NMD3: variants seen among roughly 807,000 people sequenced by gnomAD.
NMD3 encodes 60S ribosomal export protein NMD3.
NMD3 carries 47 observed loss-of-function variants against 73.1 expected under a neutral mutation model. The observed-to-expected ratio is 0.64, with a 90% CI of 0.51 to 0.82. The LOEUF (loss-of-function observed/expected upper bound fraction) is 0.82, where lower values mean the gene tolerates loss of function less well. Ranked by LOEUF, NMD3 falls within the 40% of genes least tolerant of loss-of-function variation. The pLI, the probability that NMD3 is intolerant of heterozygous loss-of-function variation, is 0.00. For missense variants in NMD3, 554 were observed against 612.5 expected (o/e 0.90, Z 1.01); for synonymous variants, 210 against 194.5 (o/e 1.08, Z -0.66).
At chr3:161,228,785 A>G (rs1736425856) in intron 4 of NMD3, among the ~76,000 whole-genome samples, 1 of 152,224 alleles carries the variant, frequency 6.6e-6, no homozygotes, top group Admixed American at 6.5e-5. Context: ...CTAATTGCAC[A>G]CTAACATGCC....
At chr3:161,230,038 G>A (rs1736472929) in intron 4 of NMD3, among the ~76,000 whole-genome samples, 2 of 152,130 alleles carry the variant, frequency 1.3e-5, no homozygotes, top group Admixed American at 6.6e-5. Context: ...TGCTGTAAAC[G>A]AAAACAAAGA....
intron 9 of NMD3, among the ~76,000 whole-genome samples, chr3:161,240,445 T>C (rs904309933): frequency 6.6e-6 from 1 of 152,084 alleles, no homozygotes; most frequent in Non-Finnish European, 1.5e-5. Flanking sequence ...GAATGTACAC[T>C]GTATTAACAT....
chr3:161,230,401 T>G (rs1449219554), intron 4 of NMD3, among the ~76,000 whole-genome samples: 1 of 152,028 alleles, frequency 6.6e-6, no homozygotes, highest in African/African-American at 2.4e-5. Flanking sequence ...CTTCCCAAAG[T>G]GTTGGGATTA....
Position 161,250,849 on chromosome 3 carries a change from T to C in NMD3, c.1451T>C (p.Leu484Pro), listed in dbSNP as rs1737458378. Residue 484 changes from leucine (L) to proline (P), a missense_variant, in exon 16 of 16, where the codon CTT (leucine) becomes CCT (proline). By Grantham distance (98) the Leu-to-Pro change is moderately conservative. Coordinates refer to ENST00000351193, the MANE Select transcript of NMD3 (RefSeq NM_015938.5). ...CCTCGAATTAGTCTGGCTGAGATGCTTGAAGACCTTCATATTTCCCAAGAT... is the reference window on the plus strand; with the variant it reads ...CCTCGAATTAGTCTGGCTGAGATGCCTGAAGACCTTCATATTTCCCAAGAT... ...GAPRISLAEM[L>P]EDLHISQDAT... 6.2e-7 allele frequency: 1 copy of C among 1,612,604 alleles called. No individual in the cohort carries two copies. The highest frequency in any genetic ancestry group is 8.5e-7 in the Non-Finnish European group (1 of 1,178,720).
At chr3:161,244,153 C>T (rs1737100288) in intron 11 of NMD3, among the ~76,000 whole-genome samples, 3 of 152,168 alleles carry the variant, frequency 2.0e-5, no homozygotes, top group Admixed American at 2.0e-4. Context: ...TAATTTTAGA[C>T]ATGATCTTGC....
At chr3:161,243,995 T>A (rs1366738893) in intron 11 of NMD3, among the ~76,000 whole-genome samples, 1 of 152,210 alleles carries the variant, frequency 6.6e-6, no homozygotes, top group Non-Finnish European at 1.5e-5. Context: ...CATAAATTAA[T>A]TATTTTATTC....
chr3:161,235,281 T>C (rs928980408), intron 7 of NMD3, 69 bp downstream of exon 7: 9 of 725,908 alleles, frequency 1.2e-5, no homozygotes, highest in Non-Finnish European at 2.1e-5. Context: ...AGTAATCTTA[T>C]ATTTACTGAT....
intron 5 of NMD3, 91 bp from the exon 6 acceptor site, chr3:161,234,635 GT>G (rs1435251165): frequency 1.1e-5 from 13 of 1,130,578 alleles, no homozygotes; most frequent in Non-Finnish European, 1.1e-5. Context: ...AATGGAAAAA[GT>G]TTTAAATTAA....
At chr3:161,246,902 G>T (rs1737232254) in intron 12 of NMD3, among the ~76,000 whole-genome samples, 1 of 151,308 alleles carries the variant, frequency 6.6e-6, no homozygotes, top group Non-Finnish European at 1.5e-5. Context: ...TTGCTTTTAG[G>T]ATTTCAGTTT....
intron 8 of NMD3, 96 bp downstream of exon 8, chr3:161,238,287 A>G (rs542137939): frequency 2.5e-6 from 2 of 801,494 alleles, no homozygotes; most frequent in South Asian, 3.4e-5. Flanking sequence ...CTCTTTATTT[A>G]AAATCGTAGT....
chr3:161,234,861 G>A lies in NMD3; in HGVS notation c.486+6G>A. The A allele has an allele frequency of 6.2e-7, 1 of 1,612,832 alleles. No homozygotes were observed. The highest frequency in any genetic ancestry group is 8.5e-7 in the Non-Finnish European group (1 of 1,179,186). ...TGATTCAAGTGAGGCAAAAGGTAAT[G>A]AGAGAAGATGATGAGTGAGTCCTAC... On this transcript the variant is annotated splice_donor_region_variant and intron_variant, in intron 6 of 15. Coordinates refer to ENST00000351193, the MANE Select transcript of NMD3 (RefSeq NM_015938.5).
intron 5 of NMD3, 22 bp downstream of exon 5, chr3:161,233,501 C>T (rs1179810337): frequency 6.8e-7 from 1 of 1,472,388 alleles, no homozygotes; most frequent in African/African-American, 1.4e-5. Context: ...ATAATTTTCT[C>T]AGCATGGTTA....
chr3:161,235,342 A>AAG (rs1194069065), intron 7 of NMD3, 130 bp downstream of exon 7: 1 of 477,558 alleles, frequency 2.1e-6, no homozygotes, highest in East Asian at 3.3e-5. Context: ...GAAAAAAAAA[A>AAG]AAAACAACTT....
chr3:161,233,138 G>T (rs1286249709), intron 4 of NMD3, among the ~76,000 whole-genome samples: 4 of 149,596 alleles, frequency 2.7e-5, no homozygotes, highest in Admixed American at 1.3e-4. Context: ...TAAGGGAAAA[G>T]AATTTTTTTC....
chr3:161,226,223 G>T (rs1469398122), intron 3 of NMD3, among the ~76,000 whole-genome samples: 1 of 152,146 alleles, frequency 6.6e-6, no homozygotes, highest in African/African-American at 2.4e-5. Context: ...GGAGGCTGAG[G>T]CGGGTGGATC....
At chr3:161,241,188 T>G in intron 10 of NMD3, 25 bp downstream of exon 10, 1 of 1,356,418 alleles carries the variant, frequency 7.4e-7, no homozygotes, top group Non-Finnish European at 1.1e-6. Flanking sequence ...TGATTTGCCT[T>G]GACAATTTTG....
intron 13 of NMD3, among the ~76,000 whole-genome samples, chr3:161,248,628 C>T (rs1211371492): frequency 1.3e-5 from 2 of 152,090 alleles, no homozygotes; most frequent in Non-Finnish European, 2.9e-5. Flanking sequence ...TTATTCAAAG[C>T]TGAATAAAAT....
intron 2 of NMD3, among the ~76,000 whole-genome samples, chr3:161,223,496 C>CT (rs11395556): frequency 0.64 from 94,507 of 147,144 alleles, 31,952 homozygotes; most frequent in East Asian, 0.96. Flanking sequence ...AGTCCTTATG[C>CT]TTTTTTTTTT....
At position 161,250,930 on chromosome 3, in the gene NMD3, T is replaced by C; in HGVS notation, c.*20T>C. On this transcript the variant is annotated 3_prime_UTR_variant, in exon 16 of 16. Transcript: ENST00000351193. ...ACATAATGAGATGTTGTAGACTGTT[T>C]CCATACATGGGCTTAAGAAGTTGGA... 4 of 1,602,650 alleles carry C rather than the reference T, an allele frequency of 2.5e-6. No homozygotes were observed. Among genetic ancestry groups the C allele is most frequent in the Non-Finnish European group, 3.4e-6 (4 of 1,172,938 alleles).
Sources: gnomAD v4.1 joint callset for allele counts (sites outside exome capture counted in the v4.1 genomes callset) on GRCh38, gnomAD v4.1.1 for gene constraint, MANE v1.5 for transcripts, NCBI Gene and HGNC (gene_info 2026-07-23, HGNC 2026-07-21) for gene names.